Variants in GLB1L3 observed in about 807,000 individuals in gnomAD.
GLB1L3 encodes the protein beta-galactosidase-1-like protein 3.
A neutral mutation model predicts 89.5 loss-of-function variants in GLB1L3; 89 were observed. That is an observed-to-expected ratio of 0.99 (90% CI 0.84 to 1.19). The LOEUF (loss-of-function observed/expected upper bound fraction) is 1.19, where lower values mean the gene tolerates loss of function less well. Ranked by LOEUF, GLB1L3 falls within the 50% of genes most tolerant of loss-of-function variation. GLB1L3 has a pLI of 0.00. For missense variants in GLB1L3, 812 were observed against 813.3 expected (o/e 1.00, Z 0.02); for synonymous variants, 314 against 312.3 (o/e 1.01, Z -0.06).
intron 13 of GLB1L3, 59 bp downstream of exon 13, chr11:134,311,229 C>G: frequency 8.1e-7 from 1 of 1,240,194 alleles, no homozygotes. Flanking sequence ...GGGAGGGATT[C>G]CTTCAGGAAA....
intron 15 of GLB1L3, 73 bp from the exon 16 acceptor site, chr11:134,313,323 A>T (rs1942831565): frequency 4.4e-6 from 5 of 1,144,828 alleles, no homozygotes; most frequent in Non-Finnish European, 6.4e-6. Context: ...TGTGGGACTC[A>T]GTGAAAAAAC....
Position 134,308,332 on chromosome 11 carries a change from CCATCACCATCAT to C in GLB1L3, c.961+1127_961+1138del, listed in dbSNP as rs1565413177. ...ACCACTACCACCACCATCACCATCA[CCATCACCATCAT>C]CACCATCACCACTACCACCACCACC... On this transcript the variant is annotated intron_variant, in intron 10 of 19. Coordinates refer to ENST00000431683, the MANE Select transcript of GLB1L3 (RefSeq NM_001080407.3). Among the ~76,000 whole-genome samples the C allele has an allele frequency of 4.0e-4, 20 of 49,700 alleles. 1 individual carries two copies. Among genetic ancestry groups the C allele is most frequent in the South Asian group, 2.2e-3 (2 of 894 alleles). The allele number at this position is 49,700 out of a possible 152,430, so 32.6% of individuals were successfully genotyped here. A position where few individuals can be genotyped will look rare whatever the true frequency, so the allele number is the denominator to read the frequency against.
intron 9 of GLB1L3, among the ~76,000 whole-genome samples, chr11:134,300,164 C>T (rs945634468): frequency 6.6e-6 from 1 of 152,084 alleles, no homozygotes; most frequent in Non-Finnish European, 1.5e-5. Context: ...AATCAAGGTG[C>T]TGGCAGGGTA....
chr11:134,293,538 A>G (rs908901386), intron 9 of GLB1L3, among the ~76,000 whole-genome samples: 3 of 152,084 alleles, frequency 2.0e-5, no homozygotes, highest in African/African-American at 4.8e-5. Flanking sequence ...GAGGCCTCCC[A>G]GGGAGTTCTG....
In GLB1L3 at chr11:134,276,632, G is replaced by C; in HGVS notation, c.-109G>C. 8.4e-6 allele frequency: 9 copies of C among 1,067,558 alleles called. No individual in the cohort carries two copies. The highest frequency in any genetic ancestry group is 1.1e-5 in the Non-Finnish European group (9 of 817,430). 66.1% of individuals were successfully genotyped at this position (1,067,558 alleles called of 1,614,324 possible). On this transcript the variant is annotated 5_prime_UTR_variant, in exon 1 of 20. Coordinates refer to ENST00000431683, the MANE Select transcript of GLB1L3 (RefSeq NM_001080407.3). ...GGCTGCAGGCGCAGCGCGCAGACCT[G>C]AGCCTGCCCCGCGGAACCGGGGCTC...
intron 18 of GLB1L3, among the ~76,000 whole-genome samples, chr11:134,316,468 G>T (rs1250337601): frequency 6.6e-6 from 1 of 152,060 alleles, no homozygotes; most frequent in Non-Finnish European, 1.5e-5. Flanking sequence ...GATAATTGCT[G>T]CTTTAAGGTT....
chr11:134,300,728 G>A (rs1344223793), intron 9 of GLB1L3, among the ~76,000 whole-genome samples: 1 of 152,126 alleles, frequency 6.6e-6, no homozygotes, highest in African/African-American at 2.4e-5. Context: ...ACGTGCCCTC[G>A]CATGGTCTTT....
downstream of GLB1L3, among the ~76,000 whole-genome samples, chr11:134,323,016 C>G (rs1206433853): frequency 1.3e-5 from 2 of 152,164 alleles, no homozygotes; most frequent in East Asian, 3.9e-4. Context: ...GGCTGCAGCA[C>G]TTTACAGTTC....
chr11:134,283,247 G>C (rs1244578702), intron 5 of GLB1L3, among the ~76,000 whole-genome samples: 1 of 152,130 alleles, frequency 6.6e-6, no homozygotes, highest in Non-Finnish European at 1.5e-5. Flanking sequence ...ACTTTTAGTG[G>C]AGACGGGAGT....
At chr11:134,308,157 ACACCACCACCAGCACCAC>A (rs1942291811) in intron 10 of GLB1L3, among the ~76,000 whole-genome samples, 1 of 79,932 alleles carries the variant, frequency 1.3e-5, no homozygotes, top group African/African-American at 4.9e-5. Context: ...ATCATCACCA[ACACCACCACCAGCACCAC>A]CACCATCACC....
Position 134,305,051 on chromosome 11 carries a change from A to G in GLB1L3, c.877-2073A>G, listed in dbSNP as rs892194731. ...AATAACAATGTATCTTAGTGGCACA[A>G]TGCTGTAGGCAGGGATGAATTCTTA... On this transcript the variant is annotated intron_variant, in intron 9 of 19. Transcript: ENST00000431683. 1.4e-5 allele frequency: 21 copies of G among 1,537,362 alleles called. No individual in the cohort carries two copies. The African/African-American group carries it at 2.6e-4, about 19-fold the overall frequency.
downstream of GLB1L3, among the ~76,000 whole-genome samples, chr11:134,321,649 C>T (rs567730410): frequency 3.9e-5 from 6 of 152,208 alleles, no homozygotes; most frequent in African/African-American, 1.2e-4. Flanking sequence ...AACCATCATT[C>T]TCAGCAAACT....
chr11:134,293,092 C>G (rs1033559629), intron 8 of GLB1L3, 53 bp from the exon 9 acceptor site: 1 of 1,495,928 alleles, frequency 6.7e-7, no homozygotes, highest in Non-Finnish European at 9.3e-7. Context: ...TCCTTCCCTT[C>G]CCTGACAGCA....
intron 10 of GLB1L3, among the ~76,000 whole-genome samples, chr11:134,308,259 C>CCACCACCACCAT (rs1942359176): frequency 9.5e-5 from 3 of 31,418 alleles, no homozygotes; most frequent in Non-Finnish European, 1.9e-4. Context: ...ACCATCACCA[C>CCACCACCACCAT]CACCACCACC....
Position 134,283,803 on chromosome 11 carries a change from G to A in GLB1L3, c.594G>A (p.Glu198=). 2 of 1,612,956 alleles carry A rather than the reference G, an allele frequency of 1.2e-6. No homozygotes were observed. The change falls in exon 6 of 20, where the codon GAG becomes GAA. Residue 198 remains glutamate (E), a synonymous_variant. Coordinates refer to ENST00000431683, the MANE Select transcript of GLB1L3 (RefSeq NM_001080407.3). ...ACAAGAGCTTCATTGAAGCAGTTGA[G>A]AAGTATTTTGACCACCTGATTCCCA... ...TTNKSFIEAV[E]KYFDHLIPRV... is the part of the protein sequence containing the mutation.
chr11:134,312,727 A>C, intron 14 of GLB1L3, 89 bp from the exon 15 acceptor site: 1 of 1,130,786 alleles, frequency 8.8e-7, no homozygotes, highest in Non-Finnish European at 1.3e-6. Context: ...CCCTGCCTTC[A>C]TACTGACCTC....
Position 134,292,143 on chromosome 11 carries a change from A to C in GLB1L3, c.741A>C (p.Arg247Ser). 6.2e-7 allele frequency: 1 copy of C among 1,613,530 alleles called. No individual in the cohort carries two copies. Among genetic ancestry groups the C allele is most frequent in the Non-Finnish European group, 8.5e-7 (1 of 1,179,552 alleles). Reference protein sequence around the residue: ...YMPYLHKALLRRGIVELLLTS... With the variant: ...YMPYLHKALLSRGIVELLLTS... ...AATTTTCTCAACAGGCCCTGCTGAGAAGAGGGATTGTGGAGCTTCTCTTGA... is the reference window on the plus strand; with the variant it reads ...AATTTTCTCAACAGGCCCTGCTGAGCAGAGGGATTGTGGAGCTTCTCTTGA... Residue 247 changes from arginine (R) to serine (S), a missense_variant, in exon 8 of 20, where the codon AGA (arginine) becomes AGC (serine). Arg to Ser is a moderately radical substitution (Grantham distance 110). Around this residue, in one of 3 missense-constraint regions of GLB1L3, gnomAD observed 618 missense variants for 604.0 expected, o/e 1.02. Coordinates refer to ENST00000431683, the MANE Select transcript of GLB1L3 (RefSeq NM_001080407.3).
intron 9 of GLB1L3, among the ~76,000 whole-genome samples, chr11:134,301,224 T>C (rs1941934060): frequency 1.3e-5 from 2 of 152,158 alleles, no homozygotes; most frequent in South Asian, 4.1e-4. Context: ...GTGACCTAGG[T>C]TCTCTGATGG....
chr11:134,290,198 C>T (rs1367055037), intron 7 of GLB1L3, among the ~76,000 whole-genome samples: 1 of 152,152 alleles, frequency 6.6e-6, no homozygotes, highest in African/African-American at 2.4e-5. Flanking sequence ...CGGTTGTATT[C>T]AGCCAGCATT....
Sources: gnomAD v4.1 joint callset for allele counts (sites outside exome capture counted in the v4.1 genomes callset) on GRCh38, gnomAD v4.1.1 for gene constraint, gnomAD v4.1.1 regional missense constraint, MANE v1.5 for transcripts, NCBI Gene and HGNC (gene_info 2026-07-23, HGNC 2026-07-21) for gene names.